The following FRZB variants were observed in gnomAD, a reference collection of about 807,000 sequenced individuals.
FRZB encodes secreted frizzled-related protein 3.
A neutral mutation model predicts 32.5 loss-of-function variants in FRZB; 34 were observed. The observed-to-expected ratio is 1.05, with a 90% CI of 0.80 to 1.39. The LOEUF (loss-of-function observed/expected upper bound fraction) is 1.39, where lower values mean the gene tolerates loss of function less well. Among genes scored for constraint, FRZB ranks in the 40% most tolerant of loss-of-function variants. The probability of loss-of-function intolerance (pLI) is 0.00; values close to 1 mark genes in which losing one functional copy is unlikely to be tolerated. For missense variants in FRZB, 423 were observed against 424.8 expected (o/e 1.00, Z 0.04); for synonymous variants, 170 against 159.2 (o/e 1.07, Z -0.51).
intron 2 of FRZB, among the ~76,000 whole-genome samples, chr2:182,848,747 A>C (rs532626286): frequency 1.3e-5 from 2 of 152,328 alleles, no homozygotes; most frequent in Admixed American, 1.3e-4. Context: ...TAGAAATAAA[A>C]TAAAATGATG....
At chr2:182,865,958 T>C (rs1286461066) in intron 1 of FRZB, 117 bp downstream of exon 1, 3 of 762,184 alleles carry the variant, frequency 3.9e-6, no homozygotes, top group Non-Finnish European at 6.5e-6. Context: ...GGAGCAGTTA[T>C]GGGAGAGATT....
intron 5 of FRZB, among the ~76,000 whole-genome samples, chr2:182,835,251 T>A (rs1235176492): frequency 2.0e-5 from 3 of 152,130 alleles, no homozygotes; most frequent in Non-Finnish European, 4.4e-5. Flanking sequence ...AATATCTCCC[T>A]ATATCTCTGG....
intron 1 of FRZB, among the ~76,000 whole-genome samples, chr2:182,861,053 T>C (rs1695826746): frequency 6.6e-6 from 1 of 152,122 alleles, no homozygotes. Flanking sequence ...ATCTCTACTA[T>C]CTCAAAATTG....
chr2:182,862,773 C>CT (rs10558108), intron 1 of FRZB, among the ~76,000 whole-genome samples: 55 of 148,938 alleles, frequency 3.7e-4, no homozygotes, highest in Admixed American at 1.1e-3. Flanking sequence ...CTTTTCTTTT[C>CT]TTTTTTTTTT....
intron 1 of FRZB, 44 bp from the exon 2 acceptor site, chr2:182,858,877 C>G (rs1285588754): frequency 6.8e-7 from 1 of 1,469,208 alleles, no homozygotes; most frequent in Admixed American, 1.7e-5. Flanking sequence ...ATATCTATTT[C>G]AAGAATTCCT....
chr2:182,853,390 A>G (rs1695731077), intron 2 of FRZB, among the ~76,000 whole-genome samples: 1 of 152,182 alleles, frequency 6.6e-6, no homozygotes, highest in Non-Finnish European at 1.5e-5. Context: ...GTCCTTGGCC[A>G]GAAATTTTGA....
At position 182,838,615 on chromosome 2, in the gene FRZB, T is replaced by A; in HGVS notation, c.593-2A>T. The stretch of plus-strand genomic sequence containing the variant: ...TCTCTTTAACTTTAGCCCGAATGAC[T>A]GGGATAAAAGACAAGAAAAGCTGAT... On this transcript the variant is annotated splice_acceptor_variant, in intron 3 of 5. Transcript: ENST00000295113. LOFTEE classifies it high-confidence loss of function. 1 of 1,610,928 alleles carries A rather than the reference T, an allele frequency of 6.2e-7. No homozygotes were observed. Among genetic ancestry groups the A allele is most frequent in the East Asian group, 2.2e-5 (1 of 44,830 alleles).
At chr2:182,854,927 T>C (rs1695751808) in intron 2 of FRZB, among the ~76,000 whole-genome samples, 1 of 152,218 alleles carries the variant, frequency 6.6e-6, no homozygotes, top group African/African-American at 2.4e-5. Flanking sequence ...TTTGTAAAGT[T>C]GTTTATGAAC....
At chr2:182,841,268 T>C (rs879802509) in intron 3 of FRZB, among the ~76,000 whole-genome samples, 8 of 152,242 alleles carry the variant, frequency 5.3e-5, no homozygotes, top group Non-Finnish European at 7.4e-5. Flanking sequence ...GGATTTGTTT[T>C]AAAGAGATTT....
At chr2:182,835,015 A>G (rs1695508626) in intron 5 of FRZB, 50 bp from the exon 6 acceptor site, 3 of 1,301,064 alleles carry the variant, frequency 2.3e-6, no homozygotes, top group East Asian at 2.3e-5. Flanking sequence ...CACCAGGGTC[A>G]TTATTTCCAT....
chr2:182,860,961 G>T (rs1375742037), intron 1 of FRZB, among the ~76,000 whole-genome samples: 1 of 152,076 alleles, frequency 6.6e-6, no homozygotes, highest in Non-Finnish European at 1.5e-5. Flanking sequence ...AGAAACAAGT[G>T]CATGACTATG....
intron 5 of FRZB, 112 bp downstream of exon 5, chr2:182,837,836 T>A: frequency 1.3e-6 from 1 of 767,246 alleles, no homozygotes; most frequent in Non-Finnish European, 2.2e-6. Context: ...TACTAAATTT[T>A]AATATTTCTC....
chr2:182,837,877 T>A lies in FRZB; in HGVS notation c.861+71A>T. The A allele has an allele frequency of 5.0e-6, 6 of 1,191,514 alleles. No homozygotes were observed. In the South Asian group the frequency reaches 6.4e-5, roughly 13 times the overall value. 73.8% of individuals were successfully genotyped at this position (1,191,514 alleles called of 1,614,324 possible). Reference sequence around the variant, plus strand: ...GTTGAAGGCAGCTATTTCATTTCAATGACAGATGGCTGGTTTTCTACTTTT... The same window carrying A: ...GTTGAAGGCAGCTATTTCATTTCAAAGACAGATGGCTGGTTTTCTACTTTT... On this transcript the variant is annotated intron_variant, in intron 5 of 5. Coordinates refer to ENST00000295113, the MANE Select transcript of FRZB (RefSeq NM_001463.4).
At chr2:182,842,624 G>A in intron 2 of FRZB, 81 bp from the exon 3 acceptor site, 1 of 1,079,606 alleles carries the variant, frequency 9.3e-7, no homozygotes, top group South Asian at 1.3e-5. Context: ...TTTTTGCTCA[G>A]ACTAGATCTC....
Position 182,834,838 on chromosome 2 carries a change from T to A in FRZB, c.*11A>T. ...AGGAAGTCCACTGTGTTACTTTTTG[T>A]ATTTCGGGATTTAGTTGCGTGCTTG... On this transcript the variant is annotated 3_prime_UTR_variant, in exon 6 of 6. Coordinates refer to ENST00000295113, the MANE Select transcript of FRZB (RefSeq NM_001463.4). 1 of 1,596,698 alleles carries A rather than the reference T, an allele frequency of 6.3e-7. No homozygotes were observed. Among genetic ancestry groups the A allele is most frequent in the Non-Finnish European group, 8.6e-7 (1 of 1,164,566 alleles).
chr2:182,835,845 A>G (rs545276826), intron 5 of FRZB, among the ~76,000 whole-genome samples: 1 of 152,110 alleles, frequency 6.6e-6, no homozygotes, highest in Non-Finnish European at 1.5e-5. Flanking sequence ...AGCAAGCACC[A>G]TCAGATCCTT....
chr2:182,839,796 T>C (rs374128105), intron 3 of FRZB, among the ~76,000 whole-genome samples: 2 of 152,082 alleles, frequency 1.3e-5, no homozygotes, highest in East Asian at 1.9e-4. Flanking sequence ...ATGGACATTA[T>C]ATAGAGGAAA....
intron 5 of FRZB, 86 bp from the exon 6 acceptor site, chr2:182,835,051 A>G: frequency 2.1e-6 from 2 of 952,688 alleles, no homozygotes; most frequent in East Asian, 2.4e-5. Context: ...GTCAGACTGC[A>G]AGTTCAGATC....
At chr2:182,843,124 G>A (rs1395916792) in intron 2 of FRZB, among the ~76,000 whole-genome samples, 1 of 152,274 alleles carries the variant, frequency 6.6e-6, no homozygotes, top group South Asian at 2.1e-4. Context: ...CAACTCAATG[G>A]TATTTTTGTG....
Sources: allele counts gnomAD v4.1 joint callset (sites outside exome capture counted in the v4.1 genomes callset), GRCh38; gene constraint gnomAD v4.1.1; transcripts MANE v1.5; gene names NCBI Gene and HGNC (gene_info 2026-07-23, HGNC 2026-07-21).